PDSS2: variants seen among roughly 807,000 people sequenced by gnomAD.
The protein encoded by PDSS2 is decaprenyl diphosphate synthase subunit 2.
Under a neutral mutation model 44.5 loss-of-function variants are expected in PDSS2, and 31 were observed. That is an observed-to-expected ratio of 0.70 (90% CI 0.52 to 0.94). PDSS2 has a LOEUF of 0.94. Ranked by LOEUF, PDSS2 falls within the 40% of genes least tolerant of loss-of-function variation. PDSS2 has a pLI of 0.00. For missense variants in PDSS2, 452 were observed against 482.2 expected, an observed-to-expected ratio of 0.94 and a Z score of 0.59; for synonymous variants, 157 against 180.3, an observed-to-expected ratio of 0.87 and a Z score of 1.03.
intron 1 of PDSS2, among the ~76,000 whole-genome samples, chr6:107,367,135 G>A (rs1275876627): frequency 6.6e-6 from 1 of 152,076 alleles, no homozygotes; most frequent in South Asian, 2.1e-4. Flanking sequence ...CATATACCAC[G>A]ACTAAGTGGG....
chr6:107,437,154 C>T (rs112832296), intron 1 of PDSS2, among the ~76,000 whole-genome samples: 49 of 152,240 alleles, frequency 3.2e-4, no homozygotes, highest in African/African-American at 1.1e-3. Flanking sequence ...TGTGTGCCAT[C>T]GCACTGGTAA....
intron 1 of PDSS2, among the ~76,000 whole-genome samples, chr6:107,386,813 G>C (rs576645798): frequency 6.6e-6 from 1 of 152,204 alleles, no homozygotes; most frequent in East Asian, 1.9e-4. Flanking sequence ...AAAATATAAA[G>C]ATCACCTAGC....
chr6:107,399,706 T>C (rs1023539473), intron 1 of PDSS2, among the ~76,000 whole-genome samples: 4 of 152,156 alleles, frequency 2.6e-5, no homozygotes, highest in African/African-American at 7.2e-5. Flanking sequence ...TATGAAAAAA[T>C]GATAATAGAT....
intron 1 of PDSS2, among the ~76,000 whole-genome samples, chr6:107,344,877 C>A (rs1292621464): frequency 2.0e-5 from 3 of 152,096 alleles, no homozygotes; most frequent in African/African-American, 7.2e-5. Flanking sequence ...GATTTCCCCA[C>A]TGAAATGGTA....
chr6:107,390,769 G>A (rs377103981), intron 1 of PDSS2, among the ~76,000 whole-genome samples: 1 of 152,080 alleles, frequency 6.6e-6, no homozygotes. Context: ...AATAAAAAGT[G>A]TATTAAATAT....
At chr6:107,173,365 C>T (rs182711799) in intron 7 of PDSS2, among the ~76,000 whole-genome samples, 12 of 151,126 alleles carry the variant, frequency 7.9e-5, no homozygotes, top group Admixed American at 5.3e-4. Flanking sequence ...CCTGAGGTCA[C>T]GAGATTGAGA....
chr6:107,302,846 C>CAA (rs67469482), intron 2 of PDSS2, among the ~76,000 whole-genome samples: 128 of 141,176 alleles, frequency 9.1e-4, no homozygotes, highest in East Asian at 4.4e-3. Context: ...AACTTACTAC[C>CAA]AAAAAAAAAA....
chr6:107,286,136 T>TAAAATAA (rs67225192), intron 2 of PDSS2, among the ~76,000 whole-genome samples: 3 of 128,744 alleles, frequency 2.3e-5, no homozygotes, highest in African/African-American at 3.1e-5. Flanking sequence ...CGTCGCAAAA[T>TAAAATAA]AAAAAAAAAA....
At chr6:107,186,416 C>A (rs975460797) in intron 7 of PDSS2, among the ~76,000 whole-genome samples, 1 of 152,148 alleles carries the variant, frequency 6.6e-6, no homozygotes, top group South Asian at 2.1e-4. Flanking sequence ...CCATCTGAAA[C>A]CGACAAAATT....
At chr6:107,226,214 CAGG>C (rs1230585888) in intron 4 of PDSS2, among the ~76,000 whole-genome samples, 2 of 152,106 alleles carry the variant, frequency 1.3e-5, no homozygotes, top group African/African-American at 4.8e-5. Flanking sequence ...GAGGCTGAGG[CAGG>C]AGAATAGCGT....
chr6:107,386,715 T>C (rs1359821713), intron 1 of PDSS2, among the ~76,000 whole-genome samples: 1 of 152,230 alleles, frequency 6.6e-6, no homozygotes, highest in African/African-American at 2.4e-5. Flanking sequence ...TACTACTTTA[T>C]CAATGAAGCT....
chr6:107,337,849 A>G (rs1012386783), intron 1 of PDSS2, among the ~76,000 whole-genome samples: 1 of 152,136 alleles, frequency 6.6e-6, no homozygotes, highest in African/African-American at 2.4e-5. Context: ...CATTATCTCA[A>G]TGATAATCAT....
chr6:107,238,118 C>G, intron 4 of PDSS2, among the ~76,000 whole-genome samples: 1 of 152,060 alleles, frequency 6.6e-6, no homozygotes, highest in East Asian at 1.9e-4. Flanking sequence ...TTAAAACCCT[C>G]TCACTTTCCT....
chr6:107,302,872 T>C (rs757012225), intron 2 of PDSS2, among the ~76,000 whole-genome samples: 117 of 151,752 alleles, frequency 7.7e-4, no homozygotes, highest in Non-Finnish European at 1.8e-4. Flanking sequence ...ATTTAAAATA[T>C]CTCAATAATA....
intron 1 of PDSS2, among the ~76,000 whole-genome samples, chr6:107,396,678 C>CT (rs950671310): frequency 0.16 from 13,060 of 79,404 alleles, 1,194 homozygotes; most frequent in East Asian, 0.22. Context: ...CTTCTTTTTT[C>CT]TTTTTTTTTT....
intron 1 of PDSS2, among the ~76,000 whole-genome samples, chr6:107,383,599 A>C (rs1431437840): frequency 7.2e-5 from 11 of 152,126 alleles, no homozygotes; most frequent in Admixed American, 7.2e-4. Context: ...ACAAATAAAG[A>C]AACTTTCAAC....
At chr6:107,429,899 AAAAT>A (rs1393950585) in intron 1 of PDSS2, among the ~76,000 whole-genome samples, 1 of 41,418 alleles carries the variant, frequency 2.4e-5, no homozygotes, top group African/African-American at 7.5e-5. Flanking sequence ...AAAAAAAAAA[AAAAT>A]ATATATATAT....
intron 2 of PDSS2, among the ~76,000 whole-genome samples, chr6:107,288,181 A>G (rs1776218323): frequency 6.6e-6 from 1 of 152,222 alleles, no homozygotes; most frequent in African/African-American, 2.4e-5. Flanking sequence ...TGTACATTAC[A>G]TAGTTTGGTA....
intron 1 of PDSS2, among the ~76,000 whole-genome samples, chr6:107,438,460 G>A (rs944402409): frequency 6.6e-5 from 10 of 152,000 alleles, no homozygotes; most frequent in African/African-American, 1.5e-4. Flanking sequence ...AGCAATCTAC[G>A]CGCCTCGGCC....
Sources: allele counts gnomAD v4.1 joint callset (sites outside exome capture counted in the v4.1 genomes callset), GRCh38; gene constraint gnomAD v4.1.1; transcripts MANE v1.5; gene names NCBI Gene and HGNC (gene_info 2026-07-23, HGNC 2026-07-21).